CPT1C: variants seen among roughly 807,000 people sequenced by gnomAD.
The protein encoded by CPT1C is palmitoyl thioesterase CPT1C.
A neutral mutation model predicts 97.3 loss-of-function variants in CPT1C; 61 were observed. The ratio of observed to expected loss-of-function variants is 0.63; its 90% confidence interval spans 0.51 to 0.78. The LOEUF (loss-of-function observed/expected upper bound fraction) is 0.78. Ranked by LOEUF, CPT1C falls within the 30% of genes least tolerant of loss-of-function variation. The probability of loss-of-function intolerance (pLI) is 0.00; values close to 1 mark genes in which losing one functional copy is unlikely to be tolerated. For missense variants in CPT1C, 975 were observed against 1,065.5 expected (o/e 0.92, Z 1.18); for synonymous variants, 469 against 447.2 (o/e 1.05, Z -0.61).
chr19:49,702,114 T>TATAAATTATAAATAAATATA lies in CPT1C; in HGVS notation c.693+480_693+481insATAAATTATAAATAAATATA, dbSNP rs2083189724. On this transcript the variant is annotated intron_variant, in intron 7 of 19. Coordinates refer to ENST00000598293, the MANE Select transcript of CPT1C (RefSeq NM_001199753.2). Reference sequence around the variant, plus strand: ...TTATTTATAAATTATAAATATATATTTATTTATTTATAAATTATAAATAAA... The same window carrying TATAAATTATAAATAAATATA: ...TTATTTATAAATTATAAATATATATTATAAATTATAAATAAATATATATTTATTTATAAATTATAAATAAA... Among the ~76,000 whole-genome samples, 4 of 12,144 alleles carry TATAAATTATAAATAAATATA rather than the reference T, an allele frequency of 3.3e-4. 1 individual carries two copies. Among genetic ancestry groups the TATAAATTATAAATAAATATA allele is most frequent in the Non-Finnish European group, 6.0e-4 (4 of 6,638 alleles). 8.0% of individuals were successfully genotyped at this position (12,144 alleles called of 152,430 possible).
chr19:49,711,928 A>G lies in CPT1C; in HGVS notation c.1986A>G (p.Arg662=). 1 of 1,614,162 alleles carries G rather than the reference A, an allele frequency of 6.2e-7. No individual in the cohort carries two copies. The highest frequency in any genetic ancestry group is 8.5e-7 in the Non-Finnish European group (1 of 1,180,016). Residue 662 remains arginine, a synonymous_variant, in exon 17 of 20, where the codon CGA becomes CGG. Coordinates refer to ENST00000598293, the MANE Select transcript of CPT1C (RefSeq NM_001199753.2). ...RHLFALYIVS[R]FLHLQSPFLT... ...TGTTTGCGCTGTACATCGTGTCCCG[A>G]TTCCTCCACCTGCAGTCGCCCTTCC...
intron 3 of CPT1C, chr19:49,696,640 T>A: frequency 6.6e-6 from 1 of 150,870 alleles, no homozygotes; most frequent in Non-Finnish European, 1.5e-5. Flanking sequence ...TTCTTTCTTT[T>A]TTTTTTTTTG....
chr19:49,691,375 GGGGCCTGGAGTCCTGTGTCTA>G, intron 1 of CPT1C, 35 bp downstream of exon 1: 1 of 148,078 alleles, frequency 6.8e-6, no homozygotes, highest in East Asian at 1.9e-4. Context: ...GGGCTCCGGC[GGGGCCTGGAGTCCTGTGTCTA>G]GGGTTGGGCG....
chr19:49,703,486 C>T (rs1442165745), intron 7 of CPT1C, among the ~76,000 whole-genome samples: 2 of 151,128 alleles, frequency 1.3e-5, no homozygotes, highest in Non-Finnish European at 2.9e-5. Flanking sequence ...CAGGCGTGAG[C>T]CACCATGCCC....
intron 13 of CPT1C, 131 bp from the exon 14 acceptor site, chr19:49,708,592 G>T: frequency 1.3e-6 from 1 of 746,354 alleles, no homozygotes. Flanking sequence ...CCGCATCTGT[G>T]AATATCAGAG....
chr19:49,709,796 T>C (rs1401530720), intron 14 of CPT1C, among the ~76,000 whole-genome samples: 3 of 151,900 alleles, frequency 2.0e-5, no homozygotes, highest in Non-Finnish European at 4.4e-5. Context: ...CCTCAGGTGA[T>C]CCAGCCACCT....
intron 18 of CPT1C, 57 bp from the exon 19 acceptor site, chr19:49,712,915 T>G: frequency 6.3e-7 from 1 of 1,584,478 alleles, no homozygotes; most frequent in East Asian, 2.2e-5. Flanking sequence ...CACTCCTGCA[T>G]AGTGGGGGTG....
At chr19:49,691,109 G>A (rs748198014), upstream of CPT1C, 1 of 151,996 alleles carries the variant, frequency 6.6e-6, no homozygotes, top group Non-Finnish European at 1.5e-5. Flanking sequence ...GATAAAACCC[G>A]GGACCTGAAT....
At chr19:49,692,888 G>A (rs1297242867) in intron 3 of CPT1C, among the ~76,000 whole-genome samples, 1 of 151,804 alleles carries the variant, frequency 6.6e-6, no homozygotes, top group Non-Finnish European at 1.5e-5. Flanking sequence ...ACCATGCCTG[G>A]CTTATTTATT....
At chr19:49,707,444 C>A in intron 12 of CPT1C, 74 bp from the exon 13 acceptor site, 1 of 1,055,344 alleles carries the variant, frequency 9.5e-7, no homozygotes. Flanking sequence ...AAAACCCCCT[C>A]AAGTCCCACA....
rs1374255640 is a variant in CPT1C at position 49,706,527 on chromosome 19, T to C, written c.1343+114T>C. 1 of 925,728 alleles carries C rather than the reference T, an allele frequency of 1.1e-6. No individual in the cohort carries two copies. The highest frequency in any genetic ancestry group is 1.5e-6 in the Non-Finnish European group (1 of 683,062). The allele number at this position is 925,728 out of a possible 1,614,324, so 57.3% of individuals were successfully genotyped here. A position where few individuals can be genotyped will look rare whatever the true frequency, so the allele number is the denominator to read the frequency against. On this transcript the variant is annotated intron_variant, in intron 12 of 19. Transcript: ENST00000598293. This position sits in a 1 kb window ranked among gnomAD's most constrained non-coding sequence, Gnocchi z 4.8. Reference sequence around the variant, plus strand: ...CTGGAGCCCACACCTGCAGAGTCTGTAGACCAGGGGCTGCATAGAGCTGAG... The same window carrying C: ...CTGGAGCCCACACCTGCAGAGTCTGCAGACCAGGGGCTGCATAGAGCTGAG...
In CPT1C at chr19:49,708,798, C is replaced by T. The variant is rs751511012; in HGVS notation, c.1525C>T (p.Leu509=). The part of the protein sequence containing the change: ...GHCKGHPDPT[L]PQPQRLQWDL... ...CTGCAAGGGGCACCCGGACCCCACA[C>T]TACCCCAGCCCCAGCGGCTGCAATG... Residue 509 remains leucine (L), a synonymous_variant, in exon 14 of 20, where the codon CTA becomes TTA. Coordinates refer to ENST00000598293, the MANE Select transcript of CPT1C (RefSeq NM_001199753.2). The T allele has an allele frequency of 1.2e-6, 2 of 1,613,908 alleles. No individual in the cohort carries two copies. Among genetic ancestry groups the T allele is most frequent in the Non-Finnish European group, 1.7e-6 (2 of 1,179,920 alleles).
intron 5 of CPT1C, among the ~76,000 whole-genome samples, chr19:49,701,062 TC>T (rs773299332): frequency 1.3e-3 from 124 of 95,306 alleles, no homozygotes; most frequent in Non-Finnish European, 1.7e-3. Context: ...TCTCTGTGTC[TC>T]CGTCCCCCCC....
chr19:49,700,784 C>T lies in CPT1C; in HGVS notation c.382C>T (p.Leu128=). ...LIFTLHVALR[L]LLSYHGWLLE... ...CTTCACACTGCACGTGGCCCTGAGG[C>T]TGCTTCTGTCCTACCACGGCTGGCT... is the stretch of plus-strand genomic sequence containing the variant. The change falls in exon 5 of 20, where the codon CTG becomes TTG. Residue 128 remains leucine, a synonymous_variant. Coordinates refer to ENST00000598293, the MANE Select transcript of CPT1C (RefSeq NM_001199753.2). 6.2e-7 allele frequency: 1 copy of T among 1,613,492 alleles called. No homozygotes were observed. The highest frequency in any genetic ancestry group is 8.5e-7 in the Non-Finnish European group (1 of 1,180,022).
chr19:49,709,238 AAACCCTAACCCCATACCC>A (rs1278382699), intron 14 of CPT1C, among the ~76,000 whole-genome samples: 3 of 149,812 alleles, frequency 2.0e-5, no homozygotes, highest in African/African-American at 7.4e-5. Context: ...ACCCCATACC[AAACCCTAACCCCATACCC>A]AACCCCAACC....
chr19:49,712,583 A>C (rs1398357159), intron 17 of CPT1C, 153 bp from the exon 18 acceptor site: 6 of 628,478 alleles, frequency 9.5e-6, no homozygotes, highest in Non-Finnish European at 1.4e-5. Context: ...GGGCGTGGCC[A>C]GATAGGGCGT....
At chr19:49,710,227 T>A (rs912377006) in intron 14 of CPT1C, 93 bp from the exon 15 acceptor site, 17 of 1,271,844 alleles carry the variant, frequency 1.3e-5, no homozygotes, top group Non-Finnish European at 1.9e-5. Context: ...CAACCTTAAC[T>A]CCACATCCAC....
At chr19:49,691,727 TG>T in intron 1 of CPT1C, 93 bp from the exon 2 acceptor site, 1 of 153,838 alleles carries the variant, frequency 6.5e-6, no homozygotes, top group Non-Finnish European at 1.4e-5. Context: ...AATCCTGTAC[TG>T]GGGGGAGGGC....
chr19:49,701,109 G>GC (rs374180240), intron 5 of CPT1C, among the ~76,000 whole-genome samples: 4 of 76,854 alleles, frequency 5.2e-5, no homozygotes, highest in Non-Finnish European at 1.1e-4. Flanking sequence ...CTGGGTCTCT[G>GC]CCCCCCTCTC....
Sources: gnomAD v4.1 joint callset for allele counts (sites outside exome capture counted in the v4.1 genomes callset) on GRCh38, gnomAD v4.1.1 for gene constraint, Gnocchi (gnomAD v3.1) non-coding constraint, MANE v1.5 for transcripts, NCBI Gene and HGNC (gene_info 2026-07-23, HGNC 2026-07-21) for gene names.